Variants in GIGYF2 observed in about 807,000 individuals in gnomAD.
GIGYF2 encodes GRB10-interacting GYF protein 2.
GIGYF2 carries 25 observed loss-of-function variants against 208.1 expected under a neutral mutation model. That is an observed-to-expected ratio of 0.12 (90% CI 0.09 to 0.17). The LOEUF is 0.17. Ranked by LOEUF, GIGYF2 falls within the 10% of genes least tolerant of loss-of-function variation. GIGYF2 has a pLI of 1.00. For missense variants in GIGYF2, 1,302 were observed against 1,579.4 expected, an observed-to-expected ratio of 0.82 and a Z score of 2.98; for synonymous variants, 534 against 543.8, an observed-to-expected ratio of 0.98 and a Z score of 0.25.
intron 9 of GIGYF2, 57 bp from the exon 10 acceptor site, chr2:232,790,641 T>G (rs1023408664): frequency 8.1e-5 from 110 of 1,366,302 alleles, no homozygotes; most frequent in Non-Finnish European, 1.1e-4. Context: ...CCTGATTTTC[T>G]TATTCAAATA....
At chr2:232,748,544 A>G (rs1216786513) in intron 4 of GIGYF2, among the ~76,000 whole-genome samples, 1 of 152,180 alleles carries the variant, frequency 6.6e-6, no homozygotes, top group Admixed American at 6.5e-5. Context: ...CTTGGCCTCC[A>G]AAAGTGCTGG....
rs1299358165 is a variant in GIGYF2 at position 232,816,856 on chromosome 2, C to G, written c.2209-15C>G. 1 of 1,604,532 alleles carries G rather than the reference C, an allele frequency of 6.2e-7. No homozygotes were observed. The highest frequency in any genetic ancestry group is 8.5e-7 in the Non-Finnish European group (1 of 1,171,492). On this transcript the variant is annotated splice_polypyrimidine_tract_variant and intron_variant, in intron 19 of 28. Coordinates refer to ENST00000373563, the MANE Select transcript of GIGYF2 (RefSeq NM_001103146.3). The stretch of plus-strand genomic sequence containing the variant: ...TTGGTTTCAAGTTTCTAAGAGTACT[C>G]TTGTGTAATCACAGCTAGAGCAAGA...
rs912362159 is a variant in GIGYF2, at chr2:232,812,700, AT to A, written c.2107+218del. ...GGATTTGTTTGAATTTATTTAGTGG[AT>A]TTTTTTTTGAGTCAGCATCTCTTTT... On this transcript the variant is annotated intron_variant, in intron 18 of 28. Transcript: ENST00000373563. Among the ~76,000 whole-genome samples, 7 of 151,588 alleles carry A rather than the reference AT, an allele frequency of 4.6e-5. No homozygotes were observed. In the East Asian group the frequency reaches 9.6e-4, roughly 21 times the overall value.
chr2:232,816,510 A>G (rs549992580), intron 19 of GIGYF2, among the ~76,000 whole-genome samples: 33 of 152,300 alleles, frequency 2.2e-4, no homozygotes, highest in African/African-American at 6.3e-4. Flanking sequence ...TGTTACTCTC[A>G]TGGGTGGTAT....
intron 23 of GIGYF2, among the ~76,000 whole-genome samples, chr2:232,841,610 C>T (rs1346434597): frequency 6.6e-6 from 1 of 152,048 alleles, no homozygotes; most frequent in Admixed American, 6.6e-5. Flanking sequence ...CCACCGTGCC[C>T]TGCCTTCATT....
chr2:232,841,265 A>T (rs960154609), intron 23 of GIGYF2, among the ~76,000 whole-genome samples: 5 of 152,018 alleles, frequency 3.3e-5, no homozygotes, highest in Non-Finnish European at 5.9e-5. Context: ...TGTCTACCAG[A>T]AGTTAATAAT....
At chr2:232,748,316 T>G (rs1698223118) in intron 4 of GIGYF2, among the ~76,000 whole-genome samples, 1 of 152,228 alleles carries the variant, frequency 6.6e-6, no homozygotes, top group Non-Finnish European at 1.5e-5. Flanking sequence ...AGAGTCTGGC[T>G]CAGTCACCCA....
At position 232,801,000 on chromosome 2, in the gene GIGYF2, C is replaced by T. The variant is rs376001908; in HGVS notation, c.1639+4779C>T. ...TCAAGCAATTCTCTTGCCTCAGCCACCCAAGTAGGTGGGATTACAGGCATG... is the reference window on the plus strand; with the variant it reads ...TCAAGCAATTCTCTTGCCTCAGCCATCCAAGTAGGTGGGATTACAGGCATG... On this transcript the variant is annotated intron_variant, in intron 14 of 28. Coordinates refer to ENST00000373563, the MANE Select transcript of GIGYF2 (RefSeq NM_001103146.3). Among the ~76,000 whole-genome samples, 3 of 152,220 alleles carry T rather than the reference C, an allele frequency of 2.0e-5. No individual in the cohort carries two copies. In the East Asian group the frequency reaches 5.8e-4, roughly 29 times the overall value.
chr2:232,706,622 A>G (rs376229290), intron 2 of GIGYF2, among the ~76,000 whole-genome samples: 1 of 152,150 alleles, frequency 6.6e-6, no homozygotes, highest in African/African-American at 2.4e-5. Flanking sequence ...TACTAAAAAT[A>G]CAAAAATTAG....
intron 1 of GIGYF2, among the ~76,000 whole-genome samples, chr2:232,699,456 G>A (rs1320327733): frequency 2.0e-5 from 3 of 152,106 alleles, no homozygotes; most frequent in African/African-American, 4.8e-5. Flanking sequence ...TCAGATTCTG[G>A]AAATTTGGGC....
At chr2:232,848,511 A>G (rs1702093232) in intron 27 of GIGYF2, among the ~76,000 whole-genome samples, 2 of 152,160 alleles carry the variant, frequency 1.3e-5, no homozygotes, top group South Asian at 4.1e-4. Context: ...GTGTGCTCCT[A>G]TAGTCCCAGC....
chr2:232,791,065 G>A lies in GIGYF2; in HGVS notation c.988G>A (p.Glu330Lys), dbSNP rs773211074. ...GGAGATGGACTTCCGGCCTGTGGAC[G>A]AAGGGGAGGAGTGCTCTGACTCTGA... is the stretch of plus-strand genomic sequence containing the variant. ...EQEMDFRPVD[E>K]GEECSDSEGS... Residue 330 changes from glutamate to lysine, a missense_variant, in exon 11 of 29, where the codon GAA (glutamate) becomes AAA (lysine). Coordinates refer to ENST00000373563, the MANE Select transcript of GIGYF2 (RefSeq NM_001103146.3). The A allele has an allele frequency of 6.2e-7, 1 of 1,613,966 alleles. No homozygotes were observed. Among genetic ancestry groups the A allele is most frequent in the Non-Finnish European group, 8.5e-7 (1 of 1,179,888 alleles).
At chr2:232,754,460 T>G (rs899859376) in intron 5 of GIGYF2, among the ~76,000 whole-genome samples, 2 of 152,204 alleles carry the variant, frequency 1.3e-5, no homozygotes, top group African/African-American at 4.8e-5. Flanking sequence ...CAGCAATGTA[T>G]GAGAGTTTGT....
chr2:232,836,281 T>TAAATAA lies in GIGYF2; in HGVS notation c.2766+3189_2766+3190insAATAAA, dbSNP rs1559160219. Among the ~76,000 whole-genome samples, 17 of 6,640 alleles carry TAAATAA rather than the reference T, an allele frequency of 2.6e-3. 1 individual carries two copies. The highest frequency in any genetic ancestry group is 0.013 in the African/African-American group (17 of 1,346). The allele number at this position is 6,640 out of a possible 152,430, so 4.4% of individuals were successfully genotyped here. Reference sequence around the variant, plus strand: ...ATCTCTACATATATATATATATATATATATATATATATATATATATATATA... The same window carrying TAAATAA: ...ATCTCTACATATATATATATATATATAAATAAATATATATATATATATATATATATA... On this transcript the variant is annotated intron_variant, in intron 22 of 28. Transcript: ENST00000373563.
chr2:232,803,571 A>G (rs1177327433), intron 14 of GIGYF2, among the ~76,000 whole-genome samples: 2 of 151,854 alleles, frequency 1.3e-5, no homozygotes, highest in Non-Finnish European at 2.9e-5. Flanking sequence ...GGGACCAAGA[A>G]TGTCTTTTCT....
At position 232,757,130 on chromosome 2, in the gene GIGYF2, A is replaced by C. The variant is rs371608124; in HGVS notation, c.379+796A>C. 9.7e-4 allele frequency among the ~76,000 whole-genome samples: 148 copies of C among 152,290 alleles called. 3 individuals carry two copies. The East Asian group carries it at 0.021, about 21-fold the overall frequency. On this transcript the variant is annotated intron_variant, in intron 6 of 28. Coordinates refer to ENST00000373563, the MANE Select transcript of GIGYF2 (RefSeq NM_001103146.3). ...TTGTACCACCAAGATTGGCATGATC[A>C]TGAGTATAGAGTATTTAAATTCTTT...
chr2:232,716,834 C>G (rs1259180072), intron 2 of GIGYF2, among the ~76,000 whole-genome samples: 1 of 151,974 alleles, frequency 6.6e-6, no homozygotes, highest in Non-Finnish European at 1.5e-5. Context: ...GATACAGGGT[C>G]TCACTTTGTA....
rs1169580564 is a variant in GIGYF2 at position 232,803,957 on chromosome 2, G to A, written c.1640-2534G>A. 8.6e-5 allele frequency among the ~76,000 whole-genome samples: 13 copies of A among 150,380 alleles called. 6 individuals carry two copies. The highest frequency in any genetic ancestry group is 7.3e-4 in the Admixed American group (11 of 15,122). On this transcript the variant is annotated intron_variant, in intron 14 of 28. Transcript: ENST00000373563. The stretch of plus-strand genomic sequence containing the variant: ...CCGCCTCCGCCTCCCAAAGTGCTGG[G>A]ATTACAGGCCTATTTCTGCTTCTTA...
intron 2 of GIGYF2, among the ~76,000 whole-genome samples, chr2:232,723,642 G>C (rs1251846766): frequency 1.3e-5 from 2 of 151,416 alleles, no homozygotes; most frequent in Admixed American, 1.3e-4. Flanking sequence ...TATTGGCCAG[G>C]CTGGTCTTGA....
Sources: allele counts gnomAD v4.1 joint callset (sites outside exome capture counted in the v4.1 genomes callset), GRCh38; gene constraint gnomAD v4.1.1; transcripts MANE v1.5; gene names NCBI Gene and HGNC (gene_info 2026-07-23, HGNC 2026-07-21).